Variants in BNIP2 observed in about 807,000 individuals in gnomAD.
BNIP2 encodes BCL2 interacting protein 2, also known as BCL2/adenovirus E1B 19 kDa protein-interacting protein 2.
In BNIP2, 36 loss-of-function variants were observed where a neutral mutation model predicts 43.4. That is an observed-to-expected ratio of 0.83 (90% CI 0.64 to 1.10). The LOEUF (loss-of-function observed/expected upper bound fraction) is 1.10, where lower values mean the gene tolerates loss of function less well. Ranked by LOEUF, BNIP2 falls within the 50% of genes least tolerant of loss-of-function variation. The probability of loss-of-function intolerance (pLI) is 0.00; values close to 1 mark genes in which losing one functional copy is unlikely to be tolerated. For synonymous variants in BNIP2, 146 were observed against 121.0 expected, an observed-to-expected ratio of 1.21 and a Z score of -1.35; for missense variants, 417 against 374.1, an observed-to-expected ratio of 1.11 and a Z score of -0.95.
chr15:59,677,887 T>C (rs778610316), intron 5 of BNIP2, 24 bp downstream of exon 5: 1 of 1,578,758 alleles, frequency 6.3e-7, no homozygotes, highest in Non-Finnish European at 8.6e-7. Context: ...TTAAACAATC[T>C]GAAAAATCCT....
chr15:59,682,211 C>T (rs753445322), intron 2 of BNIP2, among the ~76,000 whole-genome samples, 197 bp downstream of exon 2: 7 of 152,030 alleles, frequency 4.6e-5, no homozygotes, highest in Non-Finnish European at 7.4e-5. Flanking sequence ...CCTATAGTCC[C>T]AGCTACCTGG....
intron 1 of BNIP2, among the ~76,000 whole-genome samples, chr15:59,685,546 C>T (rs1327748995): frequency 1.3e-5 from 2 of 152,120 alleles, no homozygotes; most frequent in Non-Finnish European, 2.9e-5. Flanking sequence ...AATAGCTCCT[C>T]GAAACACAGG....
intron 5 of BNIP2, among the ~76,000 whole-genome samples, chr15:59,672,995 T>G (rs531822286): frequency 6.6e-6 from 1 of 152,356 alleles, no homozygotes; most frequent in Non-Finnish European, 1.5e-5. Context: ...ATTCGCATAT[T>G]TAAAAAGCCA....
Position 59,661,525 on chromosome 15 carries a change from T to C in BNIP2, c.*2544A>G, listed in dbSNP as rs896556860. The stretch of plus-strand genomic sequence containing the variant: ...GTTAAAGATTGTTAAGCTTAAATTG[T>C]GGGGTGAATAGAACGTCTTCCCTTG... On this transcript the variant is annotated 3_prime_UTR_variant, in exon 10 of 10. Transcript: ENST00000607373. The C allele has an allele frequency of 3.3e-5, 5 of 152,096 alleles. No homozygotes were observed. The highest frequency in any genetic ancestry group is 7.3e-5 in the Non-Finnish European group (5 of 68,028). The allele number at this position is 152,096 out of a possible 1,614,324, so 9.4% of individuals were successfully genotyped here. A position where few individuals can be genotyped will look rare whatever the true frequency, so the allele number is the denominator to read the frequency against.
intron 9 of BNIP2, among the ~76,000 whole-genome samples, chr15:59,667,015 T>G (rs1892608759): frequency 6.6e-6 from 1 of 152,230 alleles, no homozygotes; most frequent in Admixed American, 6.5e-5. Flanking sequence ...GCAGCTGGCT[T>G]CAAAATATTC....
In BNIP2 at chr15:59,660,111, G is replaced by C. The variant is rs953415933; in HGVS notation, c.*3958C>G. ...AATACCCCACTTCCCTCACCAGTTG[G>C]CCTTCCCATTCAAGTCTAAGTTCTT... On this transcript the variant is annotated 3_prime_UTR_variant, in exon 10 of 10. Transcript: ENST00000607373. 3.3e-5 allele frequency: 5 copies of C among 152,078 alleles called. No individual in the cohort carries two copies. Among genetic ancestry groups the C allele is most frequent in the Admixed American group, 3.3e-4 (5 of 15,260 alleles). The allele number at this position is 152,078 out of a possible 1,614,324, so 9.4% of individuals were successfully genotyped here. A position where few individuals can be genotyped will look rare whatever the true frequency, so the allele number is the denominator to read the frequency against.
chr15:59,666,035 T>C (rs1892548571), intron 9 of BNIP2, among the ~76,000 whole-genome samples: 1 of 151,942 alleles, frequency 6.6e-6, no homozygotes, highest in Non-Finnish European at 1.5e-5. Context: ...GAAATATCCT[T>C]ACCAACTAAT....
rs1330572526 is a variant in BNIP2, at chr15:59,662,522, A to T, written c.*1547T>A. On this transcript the variant is annotated 3_prime_UTR_variant, in exon 10 of 10. Coordinates refer to ENST00000607373, the MANE Select transcript of BNIP2 (RefSeq NM_004330.4). Reference sequence around the variant, plus strand: ...CATCTCTCTCCTATAACTGGTTTTAAGTTAGCATGCCAAGTTTAGGACTGA... The same window carrying T: ...CATCTCTCTCCTATAACTGGTTTTATGTTAGCATGCCAAGTTTAGGACTGA... 6.6e-6 allele frequency: 1 copy of T among 152,256 alleles called. No individual in the cohort carries two copies. Among genetic ancestry groups the T allele is most frequent in the African/African-American group, 2.4e-5 (1 of 41,456 alleles). The allele number at this position is 152,256 out of a possible 1,614,324, so 9.4% of individuals were successfully genotyped here.
At chr15:59,678,394 C>G (rs1379635693) in intron 4 of BNIP2, 2 of 1,086,438 alleles carry the variant, frequency 1.8e-6, no homozygotes, top group Non-Finnish European at 2.2e-6. Flanking sequence ...GTACACTGGC[C>G]TTACAATGCC....
rs545032819 is a variant in BNIP2, at chr15:59,659,224, T to G, written c.*4845A>C. ...CAACAAATCAAGACACAAGTTATAT[T>G]CCTAACAGGTCAAAGAAAATATTAC... On this transcript the variant is annotated 3_prime_UTR_variant, in exon 10 of 10. Transcript: ENST00000607373. 6.6e-6 allele frequency: 1 copy of G among 152,308 alleles called. No homozygotes were observed. Among genetic ancestry groups the G allele is most frequent in the South Asian group, 2.1e-4 (1 of 4,830 alleles). The allele number at this position is 152,308 out of a possible 1,614,324, so 9.4% of individuals were successfully genotyped here. A position where few individuals can be genotyped will look rare whatever the true frequency, so the allele number is the denominator to read the frequency against.
At chr15:59,676,361 T>C (rs898109717) in intron 5 of BNIP2, among the ~76,000 whole-genome samples, 2 of 151,990 alleles carry the variant, frequency 1.3e-5, no homozygotes, top group Non-Finnish European at 2.9e-5. Context: ...TTTTTTATTT[T>C]TTTTATTTTT....
intron 4 of BNIP2, 38 bp downstream of exon 4, chr15:59,679,554 A>C: frequency 6.3e-7 from 1 of 1,577,598 alleles, no homozygotes; most frequent in South Asian, 1.2e-5. Flanking sequence ...CCCTTAGTAC[A>C]TTAATAAAGA....
chr15:59,682,503 G>A lies in BNIP2; in HGVS notation c.-46C>T. On this transcript the variant is annotated 5_prime_UTR_variant, in exon 2 of 10. Coordinates refer to ENST00000607373, the MANE Select transcript of BNIP2 (RefSeq NM_004330.4). ...CAACTACAAACTCTTGATAATCCAG[G>A]GAGCCAATGTCCTATGAAGAGAGAA... 1 of 1,612,172 alleles carries A rather than the reference G, an allele frequency of 6.2e-7. No homozygotes were observed. The highest frequency in any genetic ancestry group is 8.5e-7 in the Non-Finnish European group (1 of 1,179,208).
At chr15:59,684,843 A>G (rs1345826241) in intron 1 of BNIP2, among the ~76,000 whole-genome samples, 1 of 152,248 alleles carries the variant, frequency 6.6e-6, no homozygotes, top group Admixed American at 6.5e-5. Flanking sequence ...CAAAAATAAA[A>G]GCAGAAACTG....
Position 59,667,078 on chromosome 15 carries a change from G to C in BNIP2, c.893+1814C>G, listed in dbSNP as rs117287999. Among the ~76,000 whole-genome samples, 1,322 of 152,286 alleles carry C rather than the reference G, an allele frequency of 8.7e-3. 7 individuals are homozygous for C. The highest frequency in any genetic ancestry group is 0.014 in the Middle Eastern group (4 of 294). On this transcript the variant is annotated intron_variant, in intron 9 of 9. Transcript: ENST00000607373. ...CAGCCACTTGTCTGTCGAATGCACA[G>C]CAATGCCTAGAAAGGAATGTGAAAT...
chr15:59,672,436 GC>G (rs2141997976), intron 6 of BNIP2, 200 bp downstream of exon 6: 1 of 431,818 alleles, frequency 2.3e-6, no homozygotes, highest in East Asian at 3.9e-5. Context: ...ACCATGCCTG[GC>G]TAATTTTTTG....
At chr15:59,665,280 T>TAA in intron 9 of BNIP2, 1 of 146,836 alleles carries the variant, frequency 6.8e-6, no homozygotes, top group Non-Finnish European at 1.5e-5. Flanking sequence ...ATAAATAAAA[T>TAA]AAAAAAAAAG....
chr15:59,674,297 A>G (rs1357834109), intron 5 of BNIP2, among the ~76,000 whole-genome samples: 1 of 152,192 alleles, frequency 6.6e-6, no homozygotes, highest in Non-Finnish European at 1.5e-5. Context: ...CATTTCAAGA[A>G]CATCAGAATC....
At chr15:59,675,794 T>C (rs1487868351) in intron 5 of BNIP2, among the ~76,000 whole-genome samples, 1 of 152,130 alleles carries the variant, frequency 6.6e-6, no homozygotes, top group Non-Finnish European at 1.5e-5. Flanking sequence ...TAAGAAGGAA[T>C]GTACTGTGGA....
Sources: allele counts gnomAD v4.1 joint callset (sites outside exome capture counted in the v4.1 genomes callset), GRCh38; gene constraint gnomAD v4.1.1; transcripts MANE v1.5; gene names NCBI Gene and HGNC (gene_info 2026-07-23, HGNC 2026-07-21).